The following EHD2 variants were observed in gnomAD, a reference collection of about 807,000 sequenced individuals.
EHD2 encodes the protein EH domain-containing protein 2.
EHD2 carries 27 observed loss-of-function variants against 41.0 expected under a neutral mutation model. The observed-to-expected ratio is 0.66, with a 90% CI of 0.49 to 0.91. EHD2 has a LOEUF of 0.91. Among genes scored for constraint, EHD2 ranks in the 40% least tolerant of loss-of-function variants. EHD2 has a pLI of 0.00. For missense variants in EHD2, 673 were observed against 773.9 expected, an observed-to-expected ratio of 0.87 and a Z score of 1.55; for synonymous variants, 342 against 341.0, an observed-to-expected ratio of 1.00 and a Z score of -0.03.
chr19:47,722,861 C>G (rs1028722952), intron 3 of EHD2, among the ~76,000 whole-genome samples: 2 of 152,186 alleles, frequency 1.3e-5, no homozygotes, highest in African/African-American at 2.4e-5. Flanking sequence ...AGCCACCACG[C>G]CTAGCTAGTC....
At position 47,742,786 on chromosome 19, in the gene EHD2, C is replaced by A. The variant is rs916136751; in HGVS notation, c.*1354C>A. The A allele has an allele frequency of 6.6e-6, 1 of 152,480 alleles. No homozygotes were observed. The highest frequency in any genetic ancestry group is 2.4e-5 in the African/African-American group (1 of 41,364). 9.4% of individuals were successfully genotyped at this position (152,480 alleles called of 1,614,324 possible). On this transcript the variant is annotated 3_prime_UTR_variant, in exon 6 of 6. Transcript: ENST00000263277. ...GGGCCACCGCCTCTCTGCCTACCAC[C>A]ATTCCATATTTAAGTGGAGCCCCTA...
At chr19:47,717,839 C>T (rs532906664) in intron 2 of EHD2, among the ~76,000 whole-genome samples, 4 of 140,590 alleles carry the variant, frequency 2.8e-5, no homozygotes, top group African/African-American at 1.1e-4. Flanking sequence ...ACCTGGGAGG[C>T]GGAGGTTGCA....
chr19:47,727,340 G>T (rs144522930), intron 4 of EHD2, among the ~76,000 whole-genome samples: 2,442 of 151,412 alleles, frequency 0.016, 30 homozygotes, highest in South Asian at 0.031. Flanking sequence ...CAGGTGATCC[G>T]CTCTCCTTGG....
intron 4 of EHD2, among the ~76,000 whole-genome samples, chr19:47,735,803 G>T (rs936395986): frequency 2.0e-5 from 3 of 152,016 alleles, no homozygotes; most frequent in Non-Finnish European, 4.4e-5. Context: ...CTACTTGGGA[G>T]GCTGAGGCAG....
chr19:47,716,476 T>C (rs1045049926), intron 1 of EHD2, 82 bp from the exon 2 acceptor site: 11 of 938,680 alleles, frequency 1.2e-5, no homozygotes, highest in Non-Finnish European at 1.2e-5. Flanking sequence ...ACCCATCCTG[T>C]CACCCAGACA....
rs922919866 is a variant in EHD2 at position 47,737,485 on chromosome 19, C to T, written c.1080+952C>T. On this transcript the variant is annotated intron_variant, in intron 5 of 5. Transcript: ENST00000263277. ...CAGCCTGGCCAACATGGTGAAACCC[C>T]GTCTGTACTAAAAATACAAAAATTA... Among the ~76,000 whole-genome samples, 22 of 151,054 alleles carry T rather than the reference C, an allele frequency of 1.5e-4. 1 individual carries two copies. The highest frequency in any genetic ancestry group is 4.4e-4 in the African/African-American group (18 of 41,198).
chr19:47,726,333 C>T, intron 4 of EHD2, 109 bp downstream of exon 4: 1 of 1,335,356 alleles, frequency 7.5e-7, no homozygotes, highest in Non-Finnish European at 9.9e-7. Flanking sequence ...AGTTAGTTCT[C>T]TTGAAGTTGG....
At chr19:47,724,083 CT>C (rs34420590) in intron 3 of EHD2, among the ~76,000 whole-genome samples, 5,774 of 143,660 alleles carry the variant, frequency 0.04, 322 homozygotes, top group African/African-American at 0.13. Flanking sequence ...TCACAACAGT[CT>C]TTTTTTTTTT....
intron 4 of EHD2, among the ~76,000 whole-genome samples, chr19:47,734,558 C>G (rs1364274060): frequency 1.3e-5 from 2 of 150,564 alleles, no homozygotes; most frequent in African/African-American, 2.4e-5. Context: ...TTGAGACCAG[C>G]CTGGCCAACA....
rs773625785 is a variant in EHD2 at position 47,726,166 on chromosome 19, C to A, written c.857C>A (p.Pro286His). ...CTCTTCCGCGACATCCAGGGCCTGCCCCGGCACGCAGCCTTGCGCAAGCTC... is the reference window on the plus strand; with the variant it reads ...CTCTTCCGCGACATCCAGGGCCTGCACCGGCACGCAGCCTTGCGCAAGCTC... ...QDLFRDIQGL[P>H]RHAALRKLND... is the part of the protein sequence containing the mutation. Residue 286 changes from proline to histidine, a missense_variant, in exon 4 of 6, where the codon CCC (proline) becomes CAC (histidine). Pro to His is a moderately conservative substitution (Grantham distance 77). Transcript: ENST00000263277. 1 of 1,576,332 alleles carries A rather than the reference C, an allele frequency of 6.3e-7. No individual in the cohort carries two copies. The highest frequency in any genetic ancestry group is 1.2e-5 in the South Asian group (1 of 85,686).
chr19:47,726,593 C>CTCCTTCCT (rs1011654516), intron 4 of EHD2, among the ~76,000 whole-genome samples: 2 of 150,104 alleles, frequency 1.3e-5, no homozygotes, highest in South Asian at 4.2e-4. Flanking sequence ...CCTCCCCTTC[C>CTCCTTCCT]TCCTTCCTTC....
rs1407848013 is a variant in EHD2, at chr19:47,719,060, G to T, written c.502+454G>T. Among the ~76,000 whole-genome samples, 2 of 152,188 alleles carry T rather than the reference G, an allele frequency of 1.3e-5. No individual in the cohort carries two copies. Among genetic ancestry groups the T allele is most frequent in the Non-Finnish European group, 2.9e-5 (2 of 68,016 alleles). ...TCTGGCCCTGGCTGGCGGGGCAGCC[G>T]CAGGGAGCTAGTGGAAGCTGTGACT... On this transcript the variant is annotated intron_variant, in intron 3 of 5. Transcript: ENST00000263277. This position sits in a 1 kb window ranked among gnomAD's most constrained non-coding sequence, Gnocchi z 4.1.
At chr19:47,727,859 C>T (rs1973768012) in intron 4 of EHD2, among the ~76,000 whole-genome samples, 2 of 152,070 alleles carry the variant, frequency 1.3e-5, no homozygotes, top group South Asian at 2.1e-4. Context: ...TTTGGGAGGC[C>T]GAGGGGGGAG....
chr19:47,719,944 ATATGTG>A lies in EHD2; in HGVS notation c.502+1340_502+1345del, dbSNP rs900034685. Reference sequence around the variant, plus strand: ...AGAGAGTGTCCAGCTGTTGGTGTGTATATGTGTGTGTGTGTGTGTGTGTGTGACTTT... The same window carrying A: ...AGAGAGTGTCCAGCTGTTGGTGTGTATGTGTGTGTGTGTGTGTGTGACTTT... On this transcript the variant is annotated intron_variant, in intron 3 of 5. Coordinates refer to ENST00000263277, the MANE Select transcript of EHD2 (RefSeq NM_014601.4). The surrounding 1 kb of genome is among the most constrained non-coding windows in gnomAD (Gnocchi z 4.1). Among the ~76,000 whole-genome samples the A allele has an allele frequency of 7.1e-5, 8 of 112,064 alleles. No homozygotes were observed. Among genetic ancestry groups the A allele is most frequent in the African/African-American group, 4.1e-4 (8 of 19,362 alleles). 73.5% of individuals were successfully genotyped at this position (112,064 alleles called of 152,430 possible). A position where few individuals can be genotyped will look rare whatever the true frequency, so the allele number is the denominator to read the frequency against.
At position 47,719,908 on chromosome 19, in the gene EHD2, G is replaced by C. The variant is rs1973676756; in HGVS notation, c.502+1302G>C. On this transcript the variant is annotated intron_variant, in intron 3 of 5. Coordinates refer to ENST00000263277, the MANE Select transcript of EHD2 (RefSeq NM_014601.4). The surrounding 1 kb of genome is among the most constrained non-coding windows in gnomAD (Gnocchi z 4.1). ...CTCCCTCCCTGGCCTTGAGGATAGA[G>C]GAAGAGGAGGAGAGAGTGTCCAGCT... 6.6e-6 allele frequency among the ~76,000 whole-genome samples: 1 copy of C among 151,892 alleles called. No homozygotes were observed. The highest frequency in any genetic ancestry group is 1.5e-5 in the Non-Finnish European group (1 of 67,940).
chr19:47,720,616 C>T (rs1184228669), intron 3 of EHD2, among the ~76,000 whole-genome samples: 1 of 151,806 alleles, frequency 6.6e-6, no homozygotes, highest in East Asian at 1.9e-4. Context: ...CAACTTTTGT[C>T]TATGTGTCTA....
intron 2 of EHD2, among the ~76,000 whole-genome samples, chr19:47,718,273 CA>C (rs58873230): frequency 0.092 from 8,489 of 91,852 alleles, 226 homozygotes; most frequent in Middle Eastern, 0.16. Context: ...AACTCTGTCT[CA>C]AAAAAAAAAA....
intron 4 of EHD2, chr19:47,726,461 A>G (rs980878283): frequency 7.3e-6 from 3 of 408,618 alleles, no homozygotes; most frequent in Admixed American, 8.6e-5. Context: ...TGGTATTTCT[A>G]TTTCTTCTTC....
intron 3 of EHD2, among the ~76,000 whole-genome samples, chr19:47,723,437 G>A (rs770708519): frequency 7.9e-5 from 12 of 152,040 alleles, no homozygotes; most frequent in African/African-American, 1.2e-4. Context: ...TGAGGTGGGC[G>A]GATAATGAGG....
Sources: gnomAD v4.1 joint callset for allele counts (sites outside exome capture counted in the v4.1 genomes callset) on GRCh38, gnomAD v4.1.1 for gene constraint, Gnocchi (gnomAD v3.1) non-coding constraint, MANE v1.5 for transcripts, NCBI Gene and HGNC (gene_info 2026-07-23, HGNC 2026-07-21) for gene names.